Variants in FAM193B observed in about 807,000 individuals in gnomAD.
FAM193B encodes family with sequence similarity 193 member B.
A neutral mutation model predicts 70.7 loss-of-function variants in FAM193B; 27 were observed. The observed-to-expected ratio is 0.38, with a 90% confidence interval of 0.28 to 0.53. The LOEUF (loss-of-function observed/expected upper bound fraction) is 0.53, where lower values mean the gene tolerates loss of function less well. Among genes scored for constraint, FAM193B ranks in the 20% least tolerant of loss-of-function variants. The pLI is 0.81. For missense variants in FAM193B, 1,022 were observed against 1,072.5 expected (o/e 0.95, Z 0.66); for synonymous variants, 448 against 436.0 (o/e 1.03, Z -0.34).
intron 5 of FAM193B, among the ~76,000 whole-genome samples, chr5:177,528,232 C>T (rs943719776): frequency 6.6e-6 from 1 of 152,176 alleles, no homozygotes; most frequent in African/African-American, 2.4e-5. Context: ...ACGATAGGAA[C>T]AGCAGAGGAG....
chr5:177,541,012 A>G (rs1764786054), intron 1 of FAM193B, among the ~76,000 whole-genome samples: 1 of 152,264 alleles, frequency 6.6e-6, no homozygotes, highest in African/African-American at 2.4e-5. Flanking sequence ...AAGGAACCAA[A>G]CAGTAGTACC....
chr5:177,521,225 G>C (rs1289945432), intron 8 of FAM193B, among the ~76,000 whole-genome samples: 2 of 152,200 alleles, frequency 1.3e-5, no homozygotes, highest in African/African-American at 4.8e-5. Context: ...CCCAGCCCAA[G>C]GTCTGCCTGC....
intron 5 of FAM193B, among the ~76,000 whole-genome samples, chr5:177,527,698 G>A (rs1762822576): frequency 6.6e-6 from 1 of 152,220 alleles, no homozygotes; most frequent in South Asian, 2.1e-4. Context: ...ATGTCATACA[G>A]CAAGTGTGGC....
chr5:177,546,872 C>T (rs1478729027), intron 1 of FAM193B, among the ~76,000 whole-genome samples: 1 of 152,204 alleles, frequency 6.6e-6, no homozygotes, highest in African/African-American at 2.4e-5. Context: ...CGCTGAACTG[C>T]CTCCTGGGTG....
In FAM193B at chr5:177,524,496, G is replaced by T. The variant is rs755019770; in HGVS notation, c.1985C>A (p.Pro662His). 1.2e-6 allele frequency: 2 copies of T among 1,612,936 alleles called. No individual in the cohort carries two copies. Among genetic ancestry groups the T allele is most frequent in the East Asian group, 4.5e-5 (2 of 44,868 alleles). ...APRPPASLEV[P>H]SAKGQVAGPK... is the part of the protein sequence containing the mutation. ...GCCAGCGACCTGGCCCTTGGCACTG[G>T]GAACCTCTAGGCTGGCTGGGGGCCG... Residue 662 changes from proline (P) to histidine (H), a missense_variant, in exon 6 of 9, where the codon CCC becomes CAC. Coordinates refer to ENST00000514747, the MANE Select transcript of FAM193B (RefSeq NM_001190946.3).
At chr5:177,548,195 T>C (rs1765720116) in intron 1 of FAM193B, among the ~76,000 whole-genome samples, 1 of 152,240 alleles carries the variant, frequency 6.6e-6, no homozygotes, top group East Asian at 1.9e-4. Context: ...TAACACTCTT[T>C]TGTTTAAAAA....
Position 177,519,899 on chromosome 5 carries a change from A to G in FAM193B, c.*284T>C, listed in dbSNP as rs1761462759. ...ACAAAAACAAAAAAACCAAACACAAAGAGAGCAGTGTTGGGCCAGCAGTAC... is the reference window on the plus strand; with the variant it reads ...ACAAAAACAAAAAAACCAAACACAAGGAGAGCAGTGTTGGGCCAGCAGTAC... On this transcript the variant is annotated 3_prime_UTR_variant, in exon 9 of 9. Coordinates refer to ENST00000514747, the MANE Select transcript of FAM193B (RefSeq NM_001190946.3). 1 of 152,222 alleles carries G rather than the reference A, an allele frequency of 6.6e-6. No individual in the cohort carries two copies. 9.4% of individuals were successfully genotyped at this position (152,222 alleles called of 1,614,324 possible). A position where few individuals can be genotyped will look rare whatever the true frequency, so the allele number is the denominator to read the frequency against.
At chr5:177,541,935 TA>T (rs1360097055) in intron 1 of FAM193B, among the ~76,000 whole-genome samples, 4 of 152,234 alleles carry the variant, frequency 2.6e-5, no homozygotes, top group African/African-American at 9.6e-5. Context: ...AAATAGCTGC[TA>T]TACCGTATTG....
chr5:177,549,757 A>C (rs1048142265), intron 1 of FAM193B, among the ~76,000 whole-genome samples: 1 of 152,248 alleles, frequency 6.6e-6, no homozygotes. Context: ...AATAAATGCC[A>C]TGTGAAATAA....
intron 7 of FAM193B, among the ~76,000 whole-genome samples, 155 bp downstream of exon 7, chr5:177,523,802 G>A (rs1352151108): frequency 6.6e-6 from 1 of 152,276 alleles, no homozygotes; most frequent in African/African-American, 2.4e-5. Context: ...CAGCAGGCAG[G>A]CTGGTGGGAG....
intron 1 of FAM193B, among the ~76,000 whole-genome samples, chr5:177,546,567 G>A (rs1377571699): frequency 6.6e-6 from 1 of 152,224 alleles, no homozygotes; most frequent in African/African-American, 2.4e-5. Flanking sequence ...ACTGATGAGA[G>A]GGCAATCAGT....
chr5:177,523,794 G>T (rs933046230), intron 7 of FAM193B, among the ~76,000 whole-genome samples, 163 bp downstream of exon 7: 15 of 152,246 alleles, frequency 9.9e-5, no homozygotes, highest in African/African-American at 3.6e-4. Context: ...TGGGTTTTCA[G>T]CAGGCAGGCT....
At chr5:177,548,143 A>T (rs373876374) in intron 1 of FAM193B, among the ~76,000 whole-genome samples, 6 of 152,296 alleles carry the variant, frequency 3.9e-5, no homozygotes, top group African/African-American at 1.4e-4. Context: ...CATCCTCTTA[A>T]GTCCACAGGA....
chr5:177,552,162 T>A, intron 1 of FAM193B: 1 of 737,566 alleles, frequency 1.4e-6, no homozygotes, highest in South Asian at 6.2e-5. Context: ...AATTATATCC[T>A]CCAGTTTGTT....
At position 177,524,941 on chromosome 5, in the gene FAM193B, T is replaced by TCTGAGG. The variant is rs1561751491; in HGVS notation, c.1534_1539dup (p.Pro512_Gln513dup). The TCTGAGG allele has an allele frequency of 1.3e-6, 2 of 1,506,824 alleles. No individual in the cohort carries two copies. Among genetic ancestry groups the TCTGAGG allele is most frequent in the Non-Finnish European group, 8.9e-7 (1 of 1,129,276 alleles). 93.3% of individuals were successfully genotyped at this position (1,506,824 alleles called of 1,614,324 possible). ...CCACTGAGGTTTGAGGGGGGTAGAC[T>TCTGAGG]CTGAGGCTCAGGCTCAGCAGCCCCC... On this transcript the variant is annotated inframe_insertion, in exon 6 of 9. Transcript: ENST00000514747.
At chr5:177,544,777 C>G (rs1012410202) in intron 1 of FAM193B, among the ~76,000 whole-genome samples, 1 of 152,214 alleles carries the variant, frequency 6.6e-6, no homozygotes, top group African/African-American at 2.4e-5. Flanking sequence ...ATTCAAAGCA[C>G]TGGCTCGACC....
At chr5:177,526,488 C>T (rs1033035960) in intron 5 of FAM193B, among the ~76,000 whole-genome samples, 4 of 151,770 alleles carry the variant, frequency 2.6e-5, no homozygotes, top group Non-Finnish European at 5.9e-5. Context: ...CCCTTCACCT[C>T]GCTCCCCCAG....
rs1373137305 is a variant in FAM193B at position 177,532,243 on chromosome 5, C to G, written c.1275+200G>C. ...ATCTTAAGAGAAACCATGAGAAGAG[C>G]AAAGGTAGCAAAATGTTTAAAAACC... On this transcript the variant is annotated intron_variant, in intron 5 of 8. Coordinates refer to ENST00000514747, the MANE Select transcript of FAM193B (RefSeq NM_001190946.3). This position sits in a 1 kb window ranked among gnomAD's most constrained non-coding sequence, Gnocchi z 4.9. 1.7e-5 allele frequency: 25 copies of G among 1,493,130 alleles called. No homozygotes were observed. In the South Asian group the frequency reaches 3.1e-4, roughly 19 times the overall value. 92.5% of individuals were successfully genotyped at this position (1,493,130 alleles called of 1,614,324 possible).
chr5:177,554,170 C>A, intron 1 of FAM193B, 79 bp downstream of exon 1: 1 of 1,461,220 alleles, frequency 6.8e-7, no homozygotes, highest in Admixed American at 2.2e-5. Flanking sequence ...TGGCCCATCC[C>A]CAACCCCGCC....
Sources: allele counts gnomAD v4.1 joint callset (sites outside exome capture counted in the v4.1 genomes callset), GRCh38; gene constraint gnomAD v4.1.1; non-coding constraint Gnocchi (gnomAD v3.1); transcripts MANE v1.5; gene names NCBI Gene and HGNC (gene_info 2026-07-23, HGNC 2026-07-21).